The following IBTK variants were observed in gnomAD, a reference collection of about 807,000 sequenced individuals.
The protein encoded by IBTK is BTK-binding protein.
Under a neutral mutation model 154.9 loss-of-function variants are expected in IBTK, and 83 were observed. That is an observed-to-expected ratio of 0.54 (90% CI 0.45 to 0.64). The LOEUF (loss-of-function observed/expected upper bound fraction) is 0.64, where lower values mean the gene tolerates loss of function less well. Ranked by LOEUF, IBTK falls within the 30% of genes least tolerant of loss-of-function variation. The probability of loss-of-function intolerance (pLI) is 0.00; values close to 1 mark genes in which losing one functional copy is unlikely to be tolerated. For missense variants in IBTK, 1,332 were observed against 1,584.6 expected (o/e 0.84, Z 2.71); for synonymous variants, 515 against 536.1 (o/e 0.96, Z 0.54).
chr6:82,191,994 A>T (rs1472473333), intron 23 of IBTK, 115 bp from the exon 24 acceptor site: 1 of 609,160 alleles, frequency 1.6e-6, no homozygotes. Context: ...TATAATTTAG[A>T]TTTATCAGCT....
chr6:82,188,535 G>A (rs1385968951), intron 25 of IBTK, among the ~76,000 whole-genome samples: 3 of 152,100 alleles, frequency 2.0e-5, no homozygotes, highest in South Asian at 4.1e-4. Context: ...TGGTACATAC[G>A]TGTGTGTTTC....
Position 82,176,210 on chromosome 6 carries a change from T to C in IBTK, c.3726-2772A>G, listed in dbSNP as rs948951933. Among the ~76,000 whole-genome samples the C allele has an allele frequency of 2.6e-5, 4 of 151,888 alleles. 1 individual carries two copies. In the South Asian group the frequency reaches 6.2e-4, roughly 24 times the overall value. On this transcript the variant is annotated intron_variant, in intron 26 of 28. Transcript: ENST00000306270. ...CACAGAATAATTTTTTTCTCACAAG[T>C]AGTTTTTTTCACTAATTAGAAACAC... is the stretch of plus-strand genomic sequence containing the variant.
chr6:82,245,847 C>T (rs924040978), intron 1 of IBTK, among the ~76,000 whole-genome samples: 2 of 151,980 alleles, frequency 1.3e-5, no homozygotes, highest in African/African-American at 4.8e-5. Context: ...TCCCAGGTTT[C>T]TGGCTTGGAG....
In IBTK at chr6:82,238,179, G is replaced by A. The variant is rs150637704; in HGVS notation, c.321+1987C>T. Among the ~76,000 whole-genome samples, 825 of 152,108 alleles carry A rather than the reference G, an allele frequency of 5.4e-3. 9 individuals are homozygous for A. The highest frequency in any genetic ancestry group is 0.019 in the African/African-American group (790 of 41,492). On this transcript the variant is annotated intron_variant, in intron 2 of 28. Coordinates refer to ENST00000306270, the MANE Select transcript of IBTK (RefSeq NM_015525.4). ...GAATCACTTGAACCTGGGAGGTGGAGGTTGCAGTGAGCGGAGATCACACCA... is the reference window on the plus strand; with the variant it reads ...GAATCACTTGAACCTGGGAGGTGGAAGTTGCAGTGAGCGGAGATCACACCA...
At chr6:82,222,095 G>A (rs566971236) in intron 8 of IBTK, among the ~76,000 whole-genome samples, 45 of 152,072 alleles carry the variant, frequency 3.0e-4, no homozygotes, top group Middle Eastern at 6.8e-3. Flanking sequence ...TTGAAAACCT[G>A]GGAGGCGGGG....
rs200522551 is a variant in IBTK, at chr6:82,171,356, T to C, written c.*69A>G. 3.6e-5 allele frequency: 49 copies of C among 1,380,186 alleles called. No homozygotes were observed. Among genetic ancestry groups the C allele is most frequent in the Non-Finnish European group, 3.9e-5 (39 of 1,001,988 alleles). 85.5% of individuals were successfully genotyped at this position (1,380,186 alleles called of 1,614,324 possible). On this transcript the variant is annotated 3_prime_UTR_variant, in exon 29 of 29. Transcript: ENST00000306270. ...TGATATTACAAAATCTCTAAGACTCTTTTCCACAGCTTTTCTTTATATGAA... is the reference window on the plus strand; with the variant it reads ...TGATATTACAAAATCTCTAAGACTCCTTTCCACAGCTTTTCTTTATATGAA...
At chr6:82,231,492 A>G (rs1770501616) in intron 4 of IBTK, among the ~76,000 whole-genome samples, 1 of 152,208 alleles carries the variant, frequency 6.6e-6, no homozygotes, top group Non-Finnish European at 1.5e-5. Flanking sequence ...AATTTCTAAC[A>G]CTAATTGCAC....
chr6:82,210,351 G>A (rs1294214740), intron 16 of IBTK: 1 of 140,512 alleles, frequency 7.1e-6, no homozygotes, highest in Non-Finnish European at 1.5e-5. Flanking sequence ...TTAATGAAAC[G>A]CTTCACAAAT....
chr6:82,204,327 A>G (rs1769319325), intron 17 of IBTK, among the ~76,000 whole-genome samples: 1 of 152,166 alleles, frequency 6.6e-6, no homozygotes, highest in African/African-American at 2.4e-5. Flanking sequence ...GGCCAAAATA[A>G]TAAAGAAAAA....
chr6:82,245,852 T>C (rs1771123392), intron 1 of IBTK, among the ~76,000 whole-genome samples: 1 of 152,058 alleles, frequency 6.6e-6, no homozygotes. Flanking sequence ...GGTTTCTGGC[T>C]TGGAGAACAG....
At chr6:82,236,490 G>A (rs186673996) in intron 2 of IBTK, among the ~76,000 whole-genome samples, 1 of 152,250 alleles carries the variant, frequency 6.6e-6, no homozygotes, top group African/African-American at 2.4e-5. Context: ...AGATACAGCA[G>A]GACTCCACAA....
intron 25 of IBTK, among the ~76,000 whole-genome samples, chr6:82,182,555 A>G (rs1330157004): frequency 6.6e-6 from 1 of 152,116 alleles, no homozygotes; most frequent in Admixed American, 6.5e-5. Flanking sequence ...CTGAAGTCCC[A>G]GAAATAAAGA....
intron 9 of IBTK, 72 bp from the exon 10 acceptor site, chr6:82,218,209 T>C: frequency 1.8e-6 from 2 of 1,102,700 alleles, no homozygotes; most frequent in Admixed American, 3.0e-5. Context: ...TAAATCAAGA[T>C]ATCAAGAGAC....
intron 17 of IBTK, 144 bp from the exon 18 acceptor site, chr6:82,202,789 G>A: frequency 1.9e-6 from 1 of 536,674 alleles, no homozygotes; most frequent in Non-Finnish European, 3.3e-6. Flanking sequence ...GTTAATACTG[G>A]GGCAAATATG....
chr6:82,212,630 G>A, intron 13 of IBTK, 77 bp downstream of exon 13: 1 of 869,536 alleles, frequency 1.2e-6, no homozygotes, highest in East Asian at 2.4e-5. Flanking sequence ...CTTCATATGT[G>A]GGTAAGCAGA....
Position 82,214,274 on chromosome 6 carries a change from C to T in IBTK, c.2157G>A (p.Met719Ile). 1 of 1,612,294 alleles carries T rather than the reference C, an allele frequency of 6.2e-7. No individual in the cohort carries two copies. The highest frequency in any genetic ancestry group is 1.7e-4 in the Middle Eastern group (1 of 6,048). ...CGAATTTCTTTGCAACAGTTTGCAA[C>T]ATTCTTACAGGATCATCTTCCCTAA... ...KNIREDDPVR[M>I]LQTVAKKFDF... Residue 719 changes from methionine (M) to isoleucine (I), a missense_variant, in exon 12 of 29, where the codon ATG becomes ATA. Met to Ile is a conservative substitution (Grantham distance 10). Transcript: ENST00000306270.
At chr6:82,172,756 C>G in intron 27 of IBTK, 3 of 392,946 alleles carry the variant, frequency 7.6e-6, no homozygotes, top group Middle Eastern at 7.1e-4. Flanking sequence ...CTACGATGAG[C>G]GAACCTGGAA....
chr6:82,231,679 C>A, intron 4 of IBTK, 39 bp downstream of exon 4: 2 of 1,482,980 alleles, frequency 1.3e-6, no homozygotes, highest in Admixed American at 2.3e-5. Flanking sequence ...AAAGTTCTTT[C>A]TCATCTCTAA....
At chr6:82,179,587 G>A (rs1019580835) in intron 26 of IBTK, among the ~76,000 whole-genome samples, 2 of 152,204 alleles carry the variant, frequency 1.3e-5, no homozygotes, top group African/African-American at 4.8e-5. Context: ...CAAGTATGAT[G>A]AGTCACATAA....
Sources: gnomAD v4.1 joint callset for allele counts (sites outside exome capture counted in the v4.1 genomes callset) on GRCh38, gnomAD v4.1.1 for gene constraint, MANE v1.5 for transcripts, NCBI Gene and HGNC (gene_info 2026-07-23, HGNC 2026-07-21) for gene names.